The following ANKRD6 variants were observed in gnomAD, a reference collection of about 807,000 sequenced individuals.
ANKRD6 encodes the protein ankyrin repeat domain-containing protein 6.
In ANKRD6, 56 loss-of-function variants were observed where a neutral mutation model predicts 82.3. The ratio of observed to expected loss-of-function variants is 0.68; its 90% CI spans 0.55 to 0.85. The LOEUF is 0.85. Among genes scored for constraint, ANKRD6 ranks in the 40% least tolerant of loss-of-function variants. The pLI, the probability that ANKRD6 is intolerant of heterozygous loss-of-function variation, is 0.00. For synonymous variants in ANKRD6, 347 were observed against 352.1 expected, an observed-to-expected ratio of 0.99 and a Z score of 0.16; for missense variants, 852 against 907.6, an observed-to-expected ratio of 0.94 and a Z score of 0.79.
intron 7 of ANKRD6, among the ~76,000 whole-genome samples, chr6:89,615,922 A>G (rs913716117): frequency 1.3e-5 from 2 of 152,242 alleles, no homozygotes; most frequent in African/African-American, 4.8e-5. Flanking sequence ...GATAATATGA[A>G]CATTTATTTA....
chr6:89,460,206 G>T (rs1443858238), intron 1 of ANKRD6, among the ~76,000 whole-genome samples: 1 of 150,686 alleles, frequency 6.6e-6, no homozygotes, highest in Non-Finnish European at 1.5e-5. Context: ...TGGCATTGAT[G>T]AATTTGGATA....
intron 1 of ANKRD6, among the ~76,000 whole-genome samples, chr6:89,473,812 C>T (rs2127792876): frequency 6.6e-6 from 1 of 151,600 alleles, no homozygotes; most frequent in South Asian, 2.1e-4. Context: ...AACCTCATCT[C>T]TACTTAAAAA....
chr6:89,604,667 C>A (rs145301882), intron 4 of ANKRD6, among the ~76,000 whole-genome samples: 2 of 152,296 alleles, frequency 1.3e-5, no homozygotes, highest in African/African-American at 4.8e-5. Context: ...AAGCCCCATA[C>A]CCTGTGCCCC....
chr6:89,604,380 C>T (rs1025748079), intron 4 of ANKRD6, among the ~76,000 whole-genome samples: 2 of 150,296 alleles, frequency 1.3e-5, no homozygotes, highest in African/African-American at 4.9e-5. Flanking sequence ...CTAATGACTT[C>T]TTACATATTA....
At chr6:89,447,081 C>G (rs1411562471) in intron 1 of ANKRD6, among the ~76,000 whole-genome samples, 1 of 152,100 alleles carries the variant, frequency 6.6e-6, no homozygotes, top group Non-Finnish European at 1.5e-5. Context: ...TAGTGAAATC[C>G]TGTCTCTACA....
chr6:89,608,348 C>T (rs1799301819), intron 5 of ANKRD6, among the ~76,000 whole-genome samples: 1 of 142,312 alleles, frequency 7.0e-6, no homozygotes. Context: ...TAAGTACCCT[C>T]CCTAATACAC....
At position 89,603,043 on chromosome 6, in the gene ANKRD6, C is replaced by T. The variant is rs1797599016; in HGVS notation, c.234C>T (p.Ala78=). ...TCACTTTGCAGGGGGACCAGACCGC[C>T]TTGCACCGGGCCACAGTGGTGGGGA... ...LDVQDDGDQT[A]LHRATVVGNT... is the part of the protein sequence containing the mutation. Residue 78 remains alanine, a synonymous_variant, in exon 4 of 16, where the codon GCC becomes GCT. Coordinates refer to ENST00000339746, the MANE Select transcript of ANKRD6 (RefSeq NM_001242809.2). 1 of 1,606,026 alleles carries T rather than the reference C, an allele frequency of 6.2e-7. No individual in the cohort carries two copies. Among genetic ancestry groups the T allele is most frequent in the Non-Finnish European group, 8.5e-7 (1 of 1,176,758 alleles).
At position 89,632,329 on chromosome 6, in the gene ANKRD6, TTA is replaced by T. The variant is rs1491168391; in HGVS notation, c.*1328_*1329del. On this transcript the variant is annotated 3_prime_UTR_variant, in exon 16 of 16. Coordinates refer to ENST00000339746, the MANE Select transcript of ANKRD6 (RefSeq NM_001242809.2). The stretch of plus-strand genomic sequence containing the variant: ...TCAGTTTTAGGGTTTTTTCTTTTTT[TTA>T]TAGTGACAATCCATAGATATAGACA... 6.6e-6 allele frequency: 1 copy of T among 150,796 alleles called. No homozygotes were observed. Among genetic ancestry groups the T allele is most frequent in the South Asian group, 2.1e-4 (1 of 4,690 alleles). The allele number at this position is 150,796 out of a possible 1,614,324, so 9.3% of individuals were successfully genotyped here.
chr6:89,564,865 G>A (rs765454125), intron 1 of ANKRD6, among the ~76,000 whole-genome samples: 2 of 152,114 alleles, frequency 1.3e-5, no homozygotes, highest in Non-Finnish European at 2.9e-5. Flanking sequence ...GATGACGGGG[G>A]GGAGGGTGTG....
At chr6:89,613,345 G>A (rs1563070991) in intron 6 of ANKRD6, among the ~76,000 whole-genome samples, 1 of 152,164 alleles carries the variant, frequency 6.6e-6, no homozygotes. Flanking sequence ...CAACCCCCCT[G>A]CTGCCCTGTC....
intron 1 of ANKRD6, among the ~76,000 whole-genome samples, chr6:89,489,806 T>C (rs1250536723): frequency 6.6e-6 from 1 of 152,146 alleles, no homozygotes; most frequent in Non-Finnish European, 1.5e-5. Context: ...CTAACGGTAA[T>C]TGGAAAGCTC....
intron 1 of ANKRD6, among the ~76,000 whole-genome samples, chr6:89,444,970 A>G (rs560381711): frequency 7.4e-5 from 11 of 149,634 alleles, no homozygotes; most frequent in Non-Finnish European, 1.6e-4. Context: ...CTCCATGTCA[A>G]AAAAAAAAAT....
chr6:89,597,437 A>G (rs187955624), intron 3 of ANKRD6, among the ~76,000 whole-genome samples: 1 of 152,334 alleles, frequency 6.6e-6, no homozygotes, highest in African/African-American at 2.4e-5. Context: ...TTCTCTTCGC[A>G]TAATTAAAGG....
chr6:89,470,398 C>T (rs1235140740), intron 1 of ANKRD6, among the ~76,000 whole-genome samples: 3 of 152,160 alleles, frequency 2.0e-5, no homozygotes, highest in African/African-American at 4.8e-5. Context: ...GTGGGAGGAT[C>T]GCTTGAGCCC....
At chr6:89,608,368 C>CTATATATATATATA (rs1554260576) in intron 5 of ANKRD6, among the ~76,000 whole-genome samples, 8 of 130,650 alleles carry the variant, frequency 6.1e-5, no homozygotes, top group East Asian at 2.1e-4. Context: ...CACACACACA[C>CTATATATATATATA]TATATATATA....
chr6:89,523,536 G>A (rs552262675), intron 1 of ANKRD6, among the ~76,000 whole-genome samples: 20 of 152,144 alleles, frequency 1.3e-4, no homozygotes, highest in Non-Finnish European at 2.8e-4. Context: ...TTGATAACTC[G>A]TTCTTCTCCT....
intron 9 of ANKRD6, chr6:89,618,335 C>T (rs1041381661): frequency 2.9e-5 from 18 of 620,146 alleles, no homozygotes; most frequent in African/African-American, 2.2e-4. Flanking sequence ...TTTAAGACAT[C>T]GCAGGACAGG....
intron 1 of ANKRD6, among the ~76,000 whole-genome samples, chr6:89,504,042 T>A (rs1291950828): frequency 1.4e-5 from 2 of 146,188 alleles, no homozygotes; most frequent in Non-Finnish European, 3.0e-5. Flanking sequence ...ACAGTGGTAG[T>A]GAGGGAGAGG....
intron 1 of ANKRD6, among the ~76,000 whole-genome samples, chr6:89,471,631 G>C (rs1775486818): frequency 6.6e-6 from 1 of 151,998 alleles, no homozygotes; most frequent in Non-Finnish European, 1.5e-5. Context: ...GTGTATGTGT[G>C]GGTGTGTGTG....
Sources: gnomAD v4.1 joint callset for allele counts (sites outside exome capture counted in the v4.1 genomes callset) on GRCh38, gnomAD v4.1.1 for gene constraint, MANE v1.5 for transcripts, NCBI Gene and HGNC (gene_info 2026-07-23, HGNC 2026-07-21) for gene names.